GPHN: variants seen among roughly 807,000 people sequenced by gnomAD.
GPHN encodes gephyrin.
A neutral mutation model predicts 95.5 loss-of-function variants in GPHN; 17 were observed. The ratio of observed to expected loss-of-function variants is 0.18; its 90% CI spans 0.12 to 0.27. The LOEUF is 0.27. Among genes scored for constraint, GPHN ranks in the 10% least tolerant of loss-of-function variants. The probability of loss-of-function intolerance (pLI) is 1.00; values close to 1 mark genes in which losing one functional copy is unlikely to be tolerated. For missense variants in GPHN, 660 were observed against 978.1 expected, an observed-to-expected ratio of 0.67 and a Z score of 4.34; for synonymous variants, 320 against 322.5, an observed-to-expected ratio of 0.99 and a Z score of 0.08.
At chr14:66,569,132 C>T (rs115229112) in intron 1 of GPHN, among the ~76,000 whole-genome samples, 1 of 152,132 alleles carries the variant, frequency 6.6e-6, no homozygotes, top group Non-Finnish European at 1.5e-5. Context: ...TTTATAGTTA[C>T]AGACCTTCAC....
chr14:66,570,417 G>C (rs781069096), intron 1 of GPHN, among the ~76,000 whole-genome samples: 14 of 150,376 alleles, frequency 9.3e-5, no homozygotes, highest in Non-Finnish European at 1.9e-4. Context: ...CAGTTCTGCT[G>C]CTTCAGCCTC....
At chr14:67,672,689 C>A in the GPHN span, among the ~76,000 whole-genome samples, 1 of 146,920 alleles carries the variant, frequency 6.8e-6, no homozygotes. Flanking sequence ...GTGATCCGCC[C>A]GCCTCGGCTT....
the GPHN span, among the ~76,000 whole-genome samples, chr14:67,536,505 C>T: frequency 1.3e-5 from 2 of 151,786 alleles, no homozygotes; most frequent in South Asian, 4.1e-4. Context: ...GTGCATATAA[C>T]AGAAGCCCCG....
At chr14:67,444,632 C>A in the GPHN span, among the ~76,000 whole-genome samples, 2 of 152,164 alleles carry the variant, frequency 1.3e-5, no homozygotes, top group Non-Finnish European at 2.9e-5. Flanking sequence ...CAGGATAGAA[C>A]CCCTAGATAG....
chr14:66,834,517 T>G (rs1245514569), intron 4 of GPHN, among the ~76,000 whole-genome samples: 3 of 152,118 alleles, frequency 2.0e-5, no homozygotes, highest in Non-Finnish European at 4.4e-5. Flanking sequence ...GATAATCATG[T>G]GGTTTTTGTC....
chr14:67,133,534 T>C (rs1488122625), intron 17 of GPHN, among the ~76,000 whole-genome samples: 1 of 152,152 alleles, frequency 6.6e-6, no homozygotes, highest in Admixed American at 6.5e-5. Context: ...ATCAGGATTA[T>C]AGTAATTTGA....
At chr14:67,398,667 C>A in the GPHN span, among the ~76,000 whole-genome samples, 2 of 152,086 alleles carry the variant, frequency 1.3e-5, no homozygotes, top group African/African-American at 4.8e-5. Flanking sequence ...CTGAGAACCA[C>A]CTAAACTACT....
At chr14:67,670,767 C>A in the GPHN span, among the ~76,000 whole-genome samples, 1 of 152,146 alleles carries the variant, frequency 6.6e-6, no homozygotes, top group Non-Finnish European at 1.5e-5. Flanking sequence ...ACCTTGTGAT[C>A]CGCCCGCCTA....
chr14:66,893,197 A>T (rs979021200), intron 5 of GPHN, among the ~76,000 whole-genome samples: 2 of 152,192 alleles, frequency 1.3e-5, no homozygotes, highest in African/African-American at 4.8e-5. Context: ...ATAAAATAGG[A>T]ACTCTGGGCA....
chr14:66,854,792 T>C (rs2153517622), intron 4 of GPHN, among the ~76,000 whole-genome samples: 1 of 152,266 alleles, frequency 6.6e-6, no homozygotes, highest in South Asian at 2.1e-4. Context: ...TATATTACAT[T>C]TATTTTCTAA....
At chr14:66,916,524 G>GT (rs1379768052) in intron 6 of GPHN, among the ~76,000 whole-genome samples, 28 of 38,024 alleles carry the variant, frequency 7.4e-4, no homozygotes, top group South Asian at 1.7e-3. Flanking sequence ...GTTTTGTTTT[G>GT]TTTTTTTTGC....
At chr14:67,406,660 C>A in the GPHN span, among the ~76,000 whole-genome samples, 5 of 152,328 alleles carry the variant, frequency 3.3e-5, no homozygotes, top group East Asian at 7.7e-4. Context: ...CCGAACACAG[C>A]AGCAGAACAG....
At chr14:67,656,688 G>T in the GPHN span, 1 of 1,298,748 alleles carries the variant, frequency 7.7e-7, no homozygotes, top group Non-Finnish European at 1.0e-6. Flanking sequence ...GGGATATAGT[G>T]AGCAATAATT....
intron 9 of GPHN, among the ~76,000 whole-genome samples, chr14:66,998,857 A>G (rs2071999976): frequency 7.7e-6 from 1 of 129,190 alleles, no homozygotes; most frequent in African/African-American, 2.8e-5. Flanking sequence ...ACATTTCTCC[A>G]CGTAGTTATG....
At chr14:66,601,748 GT>G (rs761131154) in intron 1 of GPHN, among the ~76,000 whole-genome samples, 2 of 150,984 alleles carry the variant, frequency 1.3e-5, no homozygotes, top group Middle Eastern at 3.2e-3. Context: ...AGAAAAAATT[GT>G]TTCCCAATTT....
chr14:66,711,170 A>G (rs777195925), intron 2 of GPHN, among the ~76,000 whole-genome samples: 1 of 151,984 alleles, frequency 6.6e-6, no homozygotes, highest in Non-Finnish European at 1.5e-5. Flanking sequence ...ACTGCACCCT[A>G]TTTGTAGTCT....
At chr14:66,706,666 G>A (rs916781153) in intron 2 of GPHN, among the ~76,000 whole-genome samples, 4 of 152,110 alleles carry the variant, frequency 2.6e-5, no homozygotes, top group African/African-American at 9.7e-5. Flanking sequence ...ATTAACTCAA[G>A]ATGTGTTAAA....
At chr14:66,609,697 G>T (rs1274547194) in intron 1 of GPHN, among the ~76,000 whole-genome samples, 6 of 152,044 alleles carry the variant, frequency 3.9e-5, no homozygotes, top group African/African-American at 1.4e-4. Context: ...CAAGCTCTGA[G>T]CTTCTTTTCT....
the GPHN span, among the ~76,000 whole-genome samples, chr14:67,523,330 A>T: frequency 3.9e-5 from 6 of 152,054 alleles, no homozygotes; most frequent in African/African-American, 1.4e-4. Context: ...CTCAAAAAAA[A>T]AAAAAAGAAA....
Sources: allele counts gnomAD v4.1 joint callset (sites outside exome capture counted in the v4.1 genomes callset), GRCh38; gene constraint gnomAD v4.1.1; transcripts MANE v1.5; gene names NCBI Gene and HGNC (gene_info 2026-07-23, HGNC 2026-07-21).